Variants in ANK2 observed in about 807,000 individuals in gnomAD.
ANK2 encodes the protein ankyrin-2.
ANK2 carries 83 observed loss-of-function variants against 360.5 expected under a neutral mutation model. The ratio of observed to expected loss-of-function variants is 0.23; its 90% CI spans 0.19 to 0.28. The LOEUF (loss-of-function observed/expected upper bound fraction) is 0.28. Ranked by LOEUF, ANK2 falls within the 10% of genes least tolerant of loss-of-function variation. The pLI is 1.00. For missense variants in ANK2, 4,201 were observed against 4,795.7 expected, an observed-to-expected ratio of 0.88 and a Z score of 3.66; for synonymous variants, 1,740 against 1,759.5, an observed-to-expected ratio of 0.99 and a Z score of 0.28.
rs185189487 is a variant in ANK2 at position 112,870,851 on chromosome 4, G to A, written c.-39-33604G>A. Among the ~76,000 whole-genome samples the A allele has an allele frequency of 5.5e-4, 83 of 152,276 alleles. 1 individual carries two copies. The highest frequency in any genetic ancestry group is 5.4e-3 in the Admixed American group (82 of 15,304). ...AAAGAGGCACTGGAATTTTGATAGT[G>A]TACTGAATTTGTAGATCACTTTGGG... On this transcript the variant is annotated intron_variant, in intron 1 of 30. Transcript: ENST00000503271.
At chr4:112,875,476 C>A (rs1465844340) in intron 1 of ANK2, among the ~76,000 whole-genome samples, 1 of 130,886 alleles carries the variant, frequency 7.6e-6, no homozygotes, top group African/African-American at 2.8e-5. Flanking sequence ...CCATGACAGG[C>A]TAATTACATT....
chr4:112,957,155 C>G (rs2095377833), intron 2 of ANK2, among the ~76,000 whole-genome samples: 1 of 150,606 alleles, frequency 6.6e-6, no homozygotes, highest in Admixed American at 6.6e-5. Context: ...GGCAGAGGAC[C>G]CTGCGGCCTT....
chr4:113,369,489 G>GTC, intron 42 of ANK2, 25 bp from the exon 43 acceptor site: 1 of 1,612,274 alleles, frequency 6.2e-7, no homozygotes, highest in South Asian at 1.1e-5. Context: ...TGTCCCTGAA[G>GTC]TCTCATTTGG....
chr4:113,380,494 C>T (rs2154090026), intron 45 of ANK2, among the ~76,000 whole-genome samples: 1 of 152,256 alleles, frequency 6.6e-6, no homozygotes, highest in East Asian at 1.9e-4. Context: ...AACCCTGTCT[C>T]TACTAAAGAT....
At chr4:112,809,357 C>T in the ANK2 span, among the ~76,000 whole-genome samples, 4 of 150,208 alleles carry the variant, frequency 2.7e-5, no homozygotes, top group South Asian at 2.1e-4. Context: ...GTCAGGAGAT[C>T]GAGACCATTC....
chr4:112,842,874 A>G (rs1579486625), intron 1 of ANK2, among the ~76,000 whole-genome samples: 1 of 152,206 alleles, frequency 6.6e-6, no homozygotes, highest in Non-Finnish European at 1.5e-5. Context: ...AGAAGTCCCA[A>G]ATGGGTTTCA....
intron 1 of ANK2, among the ~76,000 whole-genome samples, chr4:113,057,489 C>A (rs1363933469): frequency 6.6e-6 from 1 of 152,098 alleles, no homozygotes; most frequent in Non-Finnish European, 1.5e-5. Context: ...GAGCCATAAC[C>A]ATTGTGAGTG....
chr4:113,233,106 GTTTTTTTTTTTTTTTTTTTTTT>G (rs1156385030), intron 5 of ANK2, among the ~76,000 whole-genome samples: 75 of 79,702 alleles, frequency 9.4e-4, no homozygotes, highest in East Asian at 2.2e-3. Flanking sequence ...TGGCTTTTCT[GTTTTTTTTTTTTTTTTTTTTTT>G]TTTTTTTTTT....
intron 1 of ANK2, among the ~76,000 whole-genome samples, chr4:112,833,064 G>A (rs1178997107): frequency 3.3e-5 from 5 of 152,192 alleles, no homozygotes; most frequent in Non-Finnish European, 5.9e-5. Flanking sequence ...TTTGGACATG[G>A]GACAGTTTGA....
intron 7 of ANK2, among the ~76,000 whole-genome samples, chr4:113,238,547 A>T (rs1215687693): frequency 1.3e-5 from 2 of 152,240 alleles, no homozygotes; most frequent in Admixed American, 1.3e-4. Flanking sequence ...ACTTGTTCAC[A>T]ACTGGAACCG....
intron 1 of ANK2, among the ~76,000 whole-genome samples, chr4:112,858,254 G>A (rs1049008255): frequency 6.6e-6 from 1 of 151,802 alleles, no homozygotes; most frequent in East Asian, 1.9e-4. Flanking sequence ...TAACATAATT[G>A]ATTATAATAT....
At chr4:112,770,294 G>A in the ANK2 span, among the ~76,000 whole-genome samples, 26 of 152,334 alleles carry the variant, frequency 1.7e-4, no homozygotes, top group Non-Finnish European at 3.4e-4. Context: ...CTCCCAGGGT[G>A]TGCCACAGTG....
intron 1 of ANK2, among the ~76,000 whole-genome samples, chr4:113,108,244 A>G (rs1217548011): frequency 6.6e-6 from 1 of 152,152 alleles, no homozygotes; most frequent in Non-Finnish European, 1.5e-5. Flanking sequence ...CTGATTGTAG[A>G]ACTTCTAAAT....
intron 1 of ANK2, among the ~76,000 whole-genome samples, chr4:112,844,125 T>A (rs1211305209): frequency 6.6e-6 from 1 of 152,168 alleles, no homozygotes; most frequent in African/African-American, 2.4e-5. Context: ...CTGAAATATA[T>A]CTTAAAAAGC....
chr4:112,853,101 G>A (rs1030469020), intron 1 of ANK2, among the ~76,000 whole-genome samples: 2 of 151,572 alleles, frequency 1.3e-5, no homozygotes, highest in Non-Finnish European at 1.5e-5. Context: ...ACGAAGTCTC[G>A]CTCTCTCGCC....
Position 113,237,009 on chromosome 4 carries a change from T to C in ANK2, c.506T>C (p.Val169Ala). The stretch of plus-strand genomic sequence containing the variant: ...CAGGATGGCTTTACTCCTCTAGCTG[T>C]GGCACTCCAGCAAGGACACAACCAG... The part of the protein sequence containing the change: ...ATEDGFTPLA[V>A]ALQQGHNQAV... The change falls in exon 6 of 46, where the codon GTG becomes GCG. Residue 169 changes from valine to alanine, a missense_variant. Val to Ala is a moderately conservative substitution (Grantham distance 64). Transcript: ENST00000357077. The C allele has an allele frequency of 6.2e-7, 1 of 1,614,186 alleles. No individual in the cohort carries two copies.
At position 113,357,097 on chromosome 4, in the gene ANK2, C is replaced by T. The variant is rs1335434076; in HGVS notation, c.8479C>T (p.Leu2827Phe). ...THEKDTEGEE[L>F]DVSRAESPQA... The stretch of plus-strand genomic sequence containing the variant: ...TGAAAAAGACACAGAGGGAGAAGAG[C>T]TTGATGTTTCTAGAGCAGAATCTCC... The change falls in exon 38 of 46, where the codon CTT becomes TTT. Residue 2827 changes from leucine to phenylalanine, a missense_variant. By Grantham distance (22) the Leu-to-Phe change is conservative. Around this residue, in one of 4 missense-constraint regions of ANK2, gnomAD observed 2,642 missense variants for 2,714.5 expected, o/e 0.97. Transcript: ENST00000357077. The T allele has an allele frequency of 1.2e-6, 2 of 1,614,068 alleles. No individual in the cohort carries two copies. Among genetic ancestry groups the T allele is most frequent in the Non-Finnish European group, 8.5e-7 (1 of 1,179,970 alleles).
At chr4:113,337,078 G>A (rs1401422851) in intron 31 of ANK2, among the ~76,000 whole-genome samples, 1 of 152,148 alleles carries the variant, frequency 6.6e-6, no homozygotes, top group Non-Finnish European at 1.5e-5. Context: ...GTTGAAAGAA[G>A]TTCTATAACT....
chr4:112,965,298 T>C (rs759541195), intron 2 of ANK2, among the ~76,000 whole-genome samples: 1 of 152,222 alleles, frequency 6.6e-6, no homozygotes, highest in Non-Finnish European at 1.5e-5. Flanking sequence ...TTTGTATGTC[T>C]TCTTTTGAGA....
Sources: allele counts gnomAD v4.1 joint callset (sites outside exome capture counted in the v4.1 genomes callset), GRCh38; gene constraint gnomAD v4.1.1; regional missense constraint gnomAD v4.1.1; transcripts MANE v1.5; gene names NCBI Gene and HGNC (gene_info 2026-07-23, HGNC 2026-07-21).